PCDHA4: variants seen among roughly 807,000 people sequenced by gnomAD.
The protein encoded by PCDHA4 is protocadherin alpha-4.
Under a neutral mutation model 61.4 loss-of-function variants are expected in PCDHA4, and 49 were observed. The observed-to-expected ratio is 0.80, with a 90% confidence interval of 0.63 to 1.01. The LOEUF (loss-of-function observed/expected upper bound fraction) is 1.01, where lower values mean the gene tolerates loss of function less well. Among genes scored for constraint, PCDHA4 ranks in the 50% least tolerant of loss-of-function variants. PCDHA4 has a pLI of 0.00. For missense variants in PCDHA4, 1,254 were observed against 1,235.8 expected (o/e 1.01, Z -0.22); for synonymous variants, 590 against 550.3 (o/e 1.07, Z -1.01).
At chr5:141,005,909 T>C (rs1368661717) in intron 3 of PCDHA4, among the ~76,000 whole-genome samples, 1 of 151,946 alleles carries the variant, frequency 6.6e-6, no homozygotes, top group African/African-American at 2.4e-5. Context: ...ATTGCACCAC[T>C]GCACTTCAGC....
At chr5:140,901,161 G>A (rs1554189608) in intron 1 of PCDHA4, among the ~76,000 whole-genome samples, 1 of 152,084 alleles carries the variant, frequency 6.6e-6, no homozygotes, top group African/African-American at 2.4e-5. Flanking sequence ...TCTGTGGGTT[G>A]TCTCTTCACT....
At chr5:140,924,812 T>G (rs947021976) in intron 1 of PCDHA4, among the ~76,000 whole-genome samples, 2 of 151,424 alleles carry the variant, frequency 1.3e-5, no homozygotes, top group African/African-American at 4.9e-5. Flanking sequence ...AGAGAATCGC[T>G]TGAACCTGGG....
chr5:140,952,798 G>T (rs1554220633), intron 1 of PCDHA4, among the ~76,000 whole-genome samples: 1 of 152,138 alleles, frequency 6.6e-6, no homozygotes, highest in African/African-American at 2.4e-5. Flanking sequence ...TAACTGGCTC[G>T]CAGTTCTGCA....
At chr5:140,940,055 C>G (rs1179353318) in intron 1 of PCDHA4, among the ~76,000 whole-genome samples, 1 of 152,064 alleles carries the variant, frequency 6.6e-6, no homozygotes, top group Non-Finnish European at 1.5e-5. Context: ...GATTCTTAAC[C>G]AAATATAAAT....
intron 1 of PCDHA4, among the ~76,000 whole-genome samples, chr5:140,917,473 C>G (rs1355146896): frequency 1.3e-5 from 2 of 152,196 alleles, no homozygotes; most frequent in Admixed American, 1.3e-4. Flanking sequence ...GTCATGAAAT[C>G]TTTGCCAGGG....
chr5:140,822,157 A>G (rs2150114165), intron 1 of PCDHA4: 1 of 1,614,258 alleles, frequency 6.2e-7, no homozygotes, highest in Non-Finnish European at 8.5e-7. Context: ...CATCAATGAC[A>G]ATCCGCCCAG....
intron 1 of PCDHA4, among the ~76,000 whole-genome samples, chr5:140,817,842 A>G (rs1223814016): frequency 4.6e-5 from 7 of 152,112 alleles, no homozygotes; most frequent in Admixed American, 3.9e-4. Context: ...TTTTACTATC[A>G]CTTTTGAGAA....
At chr5:140,829,928 C>T (rs1554132400) in intron 1 of PCDHA4, 1 of 1,613,972 alleles carries the variant, frequency 6.2e-7, no homozygotes, top group East Asian at 2.2e-5. Context: ...TGAGCTGCAG[C>T]CCCCGGCAAG....
chr5:140,860,067 T>C (rs2150484600), intron 1 of PCDHA4: 1 of 151,674 alleles, frequency 6.6e-6, no homozygotes, highest in African/African-American at 2.4e-5. Flanking sequence ...GGTGGGAGGA[T>C]GGTTTGAGGC....
At chr5:140,827,032 T>C (rs1769155846) in intron 1 of PCDHA4, among the ~76,000 whole-genome samples, 1 of 152,190 alleles carries the variant, frequency 6.6e-6, no homozygotes, top group Non-Finnish European at 1.5e-5. Context: ...AATTTAAAAA[T>C]TTGAATTTGG....
At chr5:140,883,080 A>T in intron 1 of PCDHA4, 1 of 1,614,140 alleles carries the variant, frequency 6.2e-7, no homozygotes, top group Non-Finnish European at 8.5e-7. Flanking sequence ...GATCCTGATG[A>T]TGGTACAAAT....
rs1299699078 is a variant in PCDHA4 at position 140,843,118 on chromosome 5, C to G, written c.2385+33546C>G. 1.7e-5 allele frequency: 27 copies of G among 1,595,720 alleles called. 3 individuals carry two copies. Among genetic ancestry groups the G allele is most frequent in the African/African-American group, 4.0e-5 (3 of 74,428 alleles). The stretch of plus-strand genomic sequence containing the variant: ...TAGCGAAGGTGCGCGCAGTGGACGC[C>G]GACTCGGGCTACAACGCGTGGCTTT... On this transcript the variant is annotated intron_variant, in intron 1 of 3. Transcript: ENST00000530339.
At chr5:140,827,588 A>G (rs1422451119) in intron 1 of PCDHA4, among the ~76,000 whole-genome samples, 13 of 152,256 alleles carry the variant, frequency 8.5e-5, no homozygotes, top group Non-Finnish European at 1.9e-4. Flanking sequence ...TGTCCTAGGA[A>G]AGACAGATGT....
chr5:140,978,457 C>G (rs1223652568), intron 1 of PCDHA4, among the ~76,000 whole-genome samples: 1 of 152,182 alleles, frequency 6.6e-6, no homozygotes, highest in Non-Finnish European at 1.5e-5. Context: ...GCACATCCGC[C>G]CTGGGTCAAA....
chr5:140,941,191 T>TTTCTTTCTTTCTTTCTTTC (rs1487503403), intron 1 of PCDHA4, among the ~76,000 whole-genome samples: 6 of 93,258 alleles, frequency 6.4e-5, no homozygotes, highest in Middle Eastern at 5.1e-3. Flanking sequence ...GCTTCTTTTT[T>TTTCTTTCTTTCTTTCTTTC]TTTCTTTCTT....
At position 140,917,487 on chromosome 5, in the gene PCDHA4, A is replaced by T. The variant is rs1303002890; in HGVS notation, c.2386-61462A>T. Among the ~76,000 whole-genome samples, 3 of 152,232 alleles carry T rather than the reference A, an allele frequency of 2.0e-5. No individual in the cohort carries two copies. The East Asian group carries it at 5.8e-4, about 29-fold the overall frequency. The stretch of plus-strand genomic sequence containing the variant: ...TGTCATGAAATCTTTGCCAGGGCCT[A>T]TGCCCAGAATGATATTTTCTAGGTT... On this transcript the variant is annotated intron_variant, in intron 1 of 3. Coordinates refer to ENST00000530339, the MANE Select transcript of PCDHA4 (RefSeq NM_018907.4).
chr5:140,820,062 C>T (rs1472721652), intron 1 of PCDHA4, among the ~76,000 whole-genome samples: 2 of 151,904 alleles, frequency 1.3e-5, no homozygotes, highest in Non-Finnish European at 1.5e-5. Flanking sequence ...TAGAAAGTGG[C>T]TAACATCAGC....
chr5:140,943,476 AAAT>A (rs1167849813), intron 1 of PCDHA4, among the ~76,000 whole-genome samples: 3 of 152,134 alleles, frequency 2.0e-5, no homozygotes, highest in Non-Finnish European at 2.9e-5. Context: ...AGATACAGTA[AAAT>A]AATAAATAGA....
intron 1 of PCDHA4, among the ~76,000 whole-genome samples, chr5:140,971,957 AC>A (rs1360214556): frequency 6.6e-6 from 1 of 152,060 alleles, no homozygotes; most frequent in Non-Finnish European, 1.5e-5. Flanking sequence ...GACTCCAAAA[AC>A]TTTTTTTCAA....
Sources: allele counts gnomAD v4.1 joint callset (sites outside exome capture counted in the v4.1 genomes callset), GRCh38; gene constraint gnomAD v4.1.1; transcripts MANE v1.5; gene names NCBI Gene and HGNC (gene_info 2026-07-23, HGNC 2026-07-21).